CABIN1: variants seen among roughly 807,000 people sequenced by gnomAD.
CABIN1 encodes calcineurin-binding protein cabin-1.
A neutral mutation model predicts 227.7 loss-of-function variants in CABIN1; 133 were observed. The observed-to-expected ratio is 0.58, with a 90% CI of 0.51 to 0.67. The LOEUF is 0.67. CABIN1 is among the 30% of genes least tolerant of loss of function. The pLI is 0.00. For missense variants in CABIN1, 2,408 were observed against 2,852.5 expected, an observed-to-expected ratio of 0.84 and a Z score of 3.55; for synonymous variants, 1,086 against 1,155.1, an observed-to-expected ratio of 0.94 and a Z score of 1.21.
chr22:24,154,434 C>T (rs2045665506), intron 29 of CABIN1, among the ~76,000 whole-genome samples: 2 of 152,294 alleles, frequency 1.3e-5, no homozygotes, highest in Admixed American at 1.3e-4. Context: ...GTGTGTCTGT[C>T]AAATGACTAT....
chr22:24,071,188 T>C, intron 17 of CABIN1, 146 bp downstream of exon 17: 4 of 1,139,126 alleles, frequency 3.5e-6, no homozygotes, highest in Non-Finnish European at 5.1e-6. Flanking sequence ...TTTCGGGATC[T>C]GAGGAGGGGT....
intron 23 of CABIN1, among the ~76,000 whole-genome samples, chr22:24,088,835 T>C (rs1195653980): frequency 6.6e-6 from 1 of 152,204 alleles, no homozygotes; most frequent in African/African-American, 2.4e-5. Flanking sequence ...GGTACTCAGC[T>C]TCCTTTTTCA....
At position 24,178,276 on chromosome 22, in the gene CABIN1, AC is replaced by A; in HGVS notation, c.*82del. ...CCCCCTGGGCAGGACCCTGGGCAGG[AC>A]CAGAGGCCCACATGGATGCCACTCC... is the stretch of plus-strand genomic sequence containing the variant. On this transcript the variant is annotated 3_prime_UTR_variant, in exon 37 of 37. Transcript: ENST00000263119. 1 of 1,564,176 alleles carries A rather than the reference AC, an allele frequency of 6.4e-7. No homozygotes were observed. The highest frequency in any genetic ancestry group is 8.7e-7 in the Non-Finnish European group (1 of 1,147,622).
intron 29 of CABIN1, among the ~76,000 whole-genome samples, chr22:24,163,865 G>A (rs1315134878): frequency 6.6e-6 from 1 of 152,216 alleles, no homozygotes; most frequent in Non-Finnish European, 1.5e-5. Flanking sequence ...AAGAGGAGTG[G>A]GGTAGGATGG....
intron 5 of CABIN1, 87 bp downstream of exon 5, chr22:24,041,360 A>AAG: frequency 6.4e-7 from 1 of 1,554,264 alleles, no homozygotes. Flanking sequence ...GGCCAAAAAG[A>AAG]AGAGTTTGTA....
intron 8 of CABIN1, among the ~76,000 whole-genome samples, chr22:24,052,470 C>CT (rs782205115): frequency 0.99 from 144,733 of 146,654 alleles, 71,413 homozygotes; most frequent in African/African-American, 0.99. Context: ...CTTTTTCTTT[C>CT]TTTTTTTTTT....
intron 3 of CABIN1, among the ~76,000 whole-genome samples, chr22:24,037,498 G>GGTCT (rs1166634187): frequency 6.6e-6 from 1 of 151,766 alleles, no homozygotes; most frequent in Non-Finnish European, 1.5e-5. Context: ...TAGAGACAGG[G>GGTCT]GTCTCTCTAT....
At chr22:24,039,076 C>T (rs771992496) in intron 4 of CABIN1, among the ~76,000 whole-genome samples, 11 of 152,056 alleles carry the variant, frequency 7.2e-5, no homozygotes, top group Non-Finnish European at 1.5e-4. Context: ...CTGGAGATGT[C>T]GACTGGAGGT....
rs758537082 is a variant in CABIN1, at chr22:24,134,370, G to A, written c.4701G>A (p.Pro1567=). Residue 1567 remains proline, a synonymous_variant, in exon 29 of 37, where the codon CCG becomes CCA. Transcript: ENST00000263119. Reference sequence around the variant, plus strand: ...CGTGGCAACAACTGCAGCACATGCCGGCACAGGGGCTCTTCTGCGAGAGGA... The same window carrying A: ...CGTGGCAACAACTGCAGCACATGCCAGCACAGGGGCTCTTCTGCGAGAGGA... ...SIPWQQLQHM[P]AQGLFCERNK... is the part of the protein sequence containing the mutation. The A allele has an allele frequency of 5.6e-6, 9 of 1,614,130 alleles. No individual in the cohort carries two copies. The highest frequency in any genetic ancestry group is 1.7e-5 in the Admixed American group (1 of 60,020).
chr22:24,151,159 T>A (rs2045461368), intron 29 of CABIN1, among the ~76,000 whole-genome samples: 1 of 152,086 alleles, frequency 6.6e-6, no homozygotes, highest in East Asian at 1.9e-4. Context: ...GTGGTCAGGC[T>A]AACCCATGCT....
intron 23 of CABIN1, among the ~76,000 whole-genome samples, chr22:24,090,338 G>A (rs1223548233): frequency 1.3e-5 from 2 of 152,168 alleles, no homozygotes; most frequent in Non-Finnish European, 1.5e-5. Context: ...CAGCTACAAA[G>A]CAATTCAAGT....
At position 24,071,019 on chromosome 22, in the gene CABIN1, C is replaced by T. The variant is rs759601696; in HGVS notation, c.2452C>T (p.Arg818Trp). ...KVSSSTTGLV[R>W]LTNNLIQVID... ...ATCATCCTCCACCACTGGCCTTGTG[C>T]GGCTCACCAACAACCTCATCCAGGT... is the stretch of plus-strand genomic sequence containing the variant. The change falls in exon 17 of 37, where the codon CGG becomes TGG. Residue 818 changes from arginine to tryptophan, a missense_variant. Physicochemically the swap from Arg to Trp is moderately radical, Grantham distance 101. Around this residue, in one of 3 missense-constraint regions of CABIN1, gnomAD observed 1,045 missense variants for 1,168.4 expected, o/e 0.89. Coordinates refer to ENST00000263119, the MANE Select transcript of CABIN1 (RefSeq NM_012295.4). The T allele has an allele frequency of 5.6e-6, 9 of 1,614,204 alleles. No homozygotes were observed. In the Admixed American group the frequency reaches 1.0e-4, roughly 18 times the overall value.
intron 1 of CABIN1, among the ~76,000 whole-genome samples, chr22:24,026,754 A>G (rs996780159): frequency 6.6e-6 from 1 of 152,140 alleles, no homozygotes; most frequent in Non-Finnish European, 1.5e-5. Flanking sequence ...GTGTCTGTTC[A>G]TTTACTAACA....
chr22:24,098,191 C>T lies in CABIN1; in HGVS notation c.4116C>T (p.Asp1372=), dbSNP rs750110458. The part of the protein sequence containing the change: ...CKKPHQQATP[D]DRSQDSTAVA... The stretch of plus-strand genomic sequence containing the variant: ...AACCCCACCAGCAGGCAACGCCGGA[C>T]GGTACAGTCCCTGTTCTCCCTACTG... Residue 1372 remains aspartate, a splice_region_variant and synonymous_variant, in exon 26 of 37, where the codon GAC becomes GAT. Coordinates refer to ENST00000263119, the MANE Select transcript of CABIN1 (RefSeq NM_012295.4). 1.9e-5 allele frequency: 30 copies of T among 1,613,968 alleles called. No homozygotes were observed. Among genetic ancestry groups the T allele is most frequent in the South Asian group, 5.5e-5 (5 of 91,086 alleles).
intron 29 of CABIN1, among the ~76,000 whole-genome samples, chr22:24,136,178 C>T (rs1419760103): frequency 1.3e-5 from 2 of 152,034 alleles, no homozygotes; most frequent in African/African-American, 2.4e-5. Context: ...CACATAGATG[C>T]GCATAAAAGG....
At chr22:24,117,111 C>G (rs1417443481) in intron 27 of CABIN1, among the ~76,000 whole-genome samples, 2 of 152,204 alleles carry the variant, frequency 1.3e-5, no homozygotes, top group African/African-American at 4.8e-5. Flanking sequence ...GAGGCCTGTT[C>G]AGCAGTGGGA....
intron 34 of CABIN1, among the ~76,000 whole-genome samples, chr22:24,174,184 G>A (rs1601302106): frequency 6.6e-6 from 1 of 151,860 alleles, no homozygotes; most frequent in East Asian, 1.9e-4. Flanking sequence ...CTGGAGTGCA[G>A]CAGTGCGATC....
intron 30 of CABIN1, 35 bp downstream of exon 30, chr22:24,164,598 C>T: frequency 1.3e-6 from 2 of 1,596,886 alleles, no homozygotes; most frequent in East Asian, 2.2e-5. Context: ...GCCTGGCATG[C>T]TGTGTGGGTC....
intron 29 of CABIN1, among the ~76,000 whole-genome samples, chr22:24,142,223 G>A (rs1183026183): frequency 1.3e-5 from 2 of 152,098 alleles, no homozygotes; most frequent in Non-Finnish European, 1.5e-5. Context: ...CAGTAGTCCA[G>A]AAGGAGGCTG....
Sources: gnomAD v4.1 joint callset for allele counts (sites outside exome capture counted in the v4.1 genomes callset) on GRCh38, gnomAD v4.1.1 for gene constraint, gnomAD v4.1.1 regional missense constraint, MANE v1.5 for transcripts, NCBI Gene and HGNC (gene_info 2026-07-23, HGNC 2026-07-21) for gene names.